ZNF704: variants seen among roughly 807,000 people sequenced by gnomAD.
ZNF704 encodes glucocorticoid induced gene 1.
In ZNF704, 10 loss-of-function variants were observed where a neutral mutation model predicts 44.7. The ratio of observed to expected loss-of-function variants is 0.22; its 90% CI spans 0.14 to 0.38. The LOEUF is 0.38. Among genes scored for constraint, ZNF704 ranks in the 10% least tolerant of loss-of-function variants. The pLI is 1.00. For synonymous variants in ZNF704, 211 were observed against 207.6 expected (o/e 1.02, Z -0.14); for missense variants, 390 against 545.5 (o/e 0.71, Z 2.84).
At chr8:80,809,002 T>A (rs919283592) in intron 2 of ZNF704, among the ~76,000 whole-genome samples, 11 of 152,198 alleles carry the variant, frequency 7.2e-5, no homozygotes, top group Admixed American at 3.9e-4. Flanking sequence ...TGATAAAACC[T>A]TGCATCCAGC....
chr8:80,795,048 GATTTT>G (rs1807774717), intron 2 of ZNF704, among the ~76,000 whole-genome samples: 1 of 152,194 alleles, frequency 6.6e-6, no homozygotes, highest in Admixed American at 6.5e-5. Flanking sequence ...ATGAGCGACA[GATTTT>G]ATTTCCTGGA....
At position 80,685,988 on chromosome 8, in the gene ZNF704, T is replaced by C. The variant is rs570489868; in HGVS notation, c.558+1238A>G. Reference sequence around the variant, plus strand: ...TACAACATTTAAAAACCAATACATATAACAACAGTTTTACATTTATGTGGT... The same window carrying C: ...TACAACATTTAAAAACCAATACATACAACAACAGTTTTACATTTATGTGGT... On this transcript the variant is annotated intron_variant, in intron 4 of 8. Transcript: ENST00000327835. Among the ~76,000 whole-genome samples the C allele has an allele frequency of 2.8e-4, 42 of 152,376 alleles. 2 individuals are homozygous for C. In the East Asian group the frequency reaches 8.1e-3, roughly 29 times the overall value.
chr8:80,817,640 T>C (rs1348528093), intron 2 of ZNF704, among the ~76,000 whole-genome samples: 1 of 152,242 alleles, frequency 6.6e-6, no homozygotes. Context: ...TACTTAAATT[T>C]ATATTTTTCT....
At chr8:80,868,420 C>T (rs1809193962) in intron 1 of ZNF704, among the ~76,000 whole-genome samples, 4 of 152,218 alleles carry the variant, frequency 2.6e-5, no homozygotes, top group Admixed American at 2.6e-4. Flanking sequence ...TCAGCCCTCT[C>T]AAATCTTCCT....
intron 2 of ZNF704, among the ~76,000 whole-genome samples, chr8:80,781,857 C>G (rs533913727): frequency 6.6e-6 from 1 of 152,188 alleles, no homozygotes; most frequent in South Asian, 2.1e-4. Context: ...GATGAGAAAG[C>G]CTTGTTTCCA....
intron 2 of ZNF704, among the ~76,000 whole-genome samples, chr8:80,779,832 T>C (rs1035972726): frequency 5.9e-5 from 9 of 151,464 alleles, no homozygotes; most frequent in African/African-American, 2.2e-4. Flanking sequence ...TACTAAACTT[T>C]AGAATTACTT....
At chr8:80,705,006 T>C (rs1818873232) in intron 2 of ZNF704, among the ~76,000 whole-genome samples, 1 of 152,166 alleles carries the variant, frequency 6.6e-6, no homozygotes, top group Non-Finnish European at 1.5e-5. Flanking sequence ...TGGGGAATTC[T>C]TGTGGGACTG....
intron 2 of ZNF704, among the ~76,000 whole-genome samples, chr8:80,699,588 G>A (rs995303300): frequency 3.3e-5 from 5 of 152,066 alleles, no homozygotes; most frequent in African/African-American, 7.2e-5. Context: ...GTCATGGATC[G>A]ATACTATACA....
rs1817650960 is a variant in ZNF704, at chr8:80,635,424, A to G, written c.*5942T>C. The G allele has an allele frequency of 6.6e-6, 1 of 151,768 alleles. No individual in the cohort carries two copies. The highest frequency in any genetic ancestry group is 2.1e-4 in the South Asian group (1 of 4,814). The allele number at this position is 151,768 out of a possible 1,614,324, so 9.4% of individuals were successfully genotyped here. A position where few individuals can be genotyped will look rare whatever the true frequency, so the allele number is the denominator to read the frequency against. On this transcript the variant is annotated 3_prime_UTR_variant, in exon 9 of 9. Coordinates refer to ENST00000327835, the MANE Select transcript of ZNF704 (RefSeq NM_001033723.3). The stretch of plus-strand genomic sequence containing the variant: ...TTTTCCTTTTTTATTTTTTCCCTCC[A>G]CTATATTTTGGAAGCACTTGTTCTT...
chr8:80,670,056 A>G (rs1818255337), intron 5 of ZNF704, among the ~76,000 whole-genome samples: 1 of 152,150 alleles, frequency 6.6e-6, no homozygotes, highest in African/African-American at 2.4e-5. Flanking sequence ...AATACTCTCC[A>G]CTGGAAAATA....
At chr8:80,838,770 G>T (rs1377713053) in intron 1 of ZNF704, among the ~76,000 whole-genome samples, 1 of 151,268 alleles carries the variant, frequency 6.6e-6, no homozygotes, top group African/African-American at 2.4e-5. Flanking sequence ...CACCCGAGGT[G>T]GCAATGGAGG....
chr8:80,798,259 T>C (rs1807840453), intron 2 of ZNF704, among the ~76,000 whole-genome samples: 1 of 119,512 alleles, frequency 8.4e-6, no homozygotes, highest in Non-Finnish European at 2.0e-5. Flanking sequence ...AGTGTCCATA[T>C]TTTTTTTTTT....
intron 2 of ZNF704, among the ~76,000 whole-genome samples, chr8:80,719,244 T>G (rs1013411437): frequency 6.6e-6 from 1 of 152,186 alleles, no homozygotes; most frequent in Non-Finnish European, 1.5e-5. Flanking sequence ...ATTACAGGTG[T>G]GAGCCACTGC....
intron 1 of ZNF704, among the ~76,000 whole-genome samples, chr8:80,865,400 C>T (rs1182585914): frequency 1.3e-5 from 2 of 152,174 alleles, no homozygotes; most frequent in African/African-American, 2.4e-5. Context: ...ACTTCTTGAT[C>T]TACAGAGAAG....
chr8:80,820,759 G>T (rs1276173820), intron 2 of ZNF704, among the ~76,000 whole-genome samples: 11 of 152,020 alleles, frequency 7.2e-5, no homozygotes, highest in Admixed American at 7.2e-4. Context: ...ATAATTAGCT[G>T]GGCATGGCTG....
At chr8:80,745,843 C>G (rs1806834737) in intron 2 of ZNF704, among the ~76,000 whole-genome samples, 1 of 152,244 alleles carries the variant, frequency 6.6e-6, no homozygotes, top group Admixed American at 6.5e-5. Context: ...ACCAAGCAGA[C>G]TCTAAAGACA....
intron 4 of ZNF704, among the ~76,000 whole-genome samples, chr8:80,683,056 T>C (rs1046419724): frequency 4.6e-5 from 7 of 152,294 alleles, no homozygotes; most frequent in South Asian, 2.1e-4. Context: ...TCTTTGGCCT[T>C]CCATAGAATT....
chr8:80,832,859 C>T (rs1266907831), intron 1 of ZNF704, among the ~76,000 whole-genome samples: 1 of 152,114 alleles, frequency 6.6e-6, no homozygotes, highest in Non-Finnish European at 1.5e-5. Context: ...AGATTATTCC[C>T]CTCCACATCA....
intron 1 of ZNF704, among the ~76,000 whole-genome samples, chr8:80,843,944 T>C (rs1808722581): frequency 6.8e-6 from 1 of 147,016 alleles, no homozygotes; most frequent in African/African-American, 2.5e-5. Context: ...TATATATGTG[T>C]ATGTATATAT....
Sources: allele counts gnomAD v4.1 joint callset (sites outside exome capture counted in the v4.1 genomes callset), GRCh38; gene constraint gnomAD v4.1.1; transcripts MANE v1.5; gene names NCBI Gene and HGNC (gene_info 2026-07-23, HGNC 2026-07-21).